Variants in SORBS2 observed in about 807,000 individuals in gnomAD.
The protein encoded by SORBS2 is sorbin and SH3 domain-containing protein 2.
Under a neutral mutation model 97.7 loss-of-function variants are expected in SORBS2, and 46 were observed. The observed-to-expected ratio is 0.47, with a 90% confidence interval of 0.37 to 0.60. The LOEUF (loss-of-function observed/expected upper bound fraction) is 0.60, where lower values mean the gene tolerates loss of function less well. Ranked by LOEUF, SORBS2 falls within the 20% of genes least tolerant of loss-of-function variation. The pLI, the probability that SORBS2 is intolerant of heterozygous loss-of-function variation, is 0.00. For synonymous variants in SORBS2, 476 were observed against 473.4 expected, an observed-to-expected ratio of 1.01 and a Z score of -0.07; for missense variants, 1,316 against 1,282.3, an observed-to-expected ratio of 1.03 and a Z score of -0.40.
intron 12 of SORBS2, among the ~76,000 whole-genome samples, chr4:185,609,167 T>C (rs2153398688): frequency 6.6e-6 from 1 of 152,260 alleles, no homozygotes; most frequent in Admixed American, 6.5e-5. Flanking sequence ...GTCCTGTAGA[T>C]GCTGAGTTTT....
chr4:185,624,104 A>C, exon 7 of SORBS2: 1 of 1,613,996 alleles, frequency 6.2e-7, no homozygotes, highest in Non-Finnish European at 8.5e-7. Flanking sequence ...CCTGTGTCTG[A>C]TCCTTGATCT....
At chr4:185,792,885 G>A (rs1427873250) in intron 1 of SORBS2, among the ~76,000 whole-genome samples, 1 of 152,162 alleles carries the variant, frequency 6.6e-6, no homozygotes, top group Non-Finnish European at 1.5e-5. Flanking sequence ...ACTCAAGCTG[G>A]AATCCCACTT....
intron 1 of SORBS2, among the ~76,000 whole-genome samples, chr4:185,875,895 C>A (rs2099233337): frequency 2.0e-5 from 3 of 152,128 alleles, no homozygotes; most frequent in African/African-American, 4.8e-5. Context: ...TCATTACACT[C>A]AAATATTATT....
intron 1 of SORBS2, among the ~76,000 whole-genome samples, chr4:185,900,475 A>G (rs945415868): frequency 3.3e-5 from 5 of 152,194 alleles, no homozygotes; most frequent in African/African-American, 1.2e-4. Flanking sequence ...CCATGCATAA[A>G]ATAATGAAGA....
At position 185,868,159 on chromosome 4, in the gene SORBS2, C is replaced by CTTTCTTTTTTTTTTT. The variant is rs59057506; in HGVS notation, c.-338+88036_-338+88037insAAAAAAAAAAAGAAA. Among the ~76,000 whole-genome samples the CTTTCTTTTTTTTTTT allele has an allele frequency of 1.1e-3, 112 of 105,200 alleles. 1 individual carries two copies. Among genetic ancestry groups the CTTTCTTTTTTTTTTT allele is most frequent in the African/African-American group, 4.2e-3 (107 of 25,604 alleles). 69.0% of individuals were successfully genotyped at this position (105,200 alleles called of 152,430 possible). A position where few individuals can be genotyped will look rare whatever the true frequency, so the allele number is the denominator to read the frequency against. On this transcript the variant is annotated intron_variant, in intron 1 of 20. Coordinates refer to the SORBS2 transcript ENST00000284776. ...TCTCTTTTCTTTTCTTTTTTTCTTTCTTTTTTTTTTTTTTTGAGGCAGAGT... is the reference window on the plus strand; with the variant it reads ...TCTCTTTTCTTTTCTTTTTTTCTTTCTTTCTTTTTTTTTTTTTTTTTTTTTTTTTTGAGGCAGAGT...
intron 1 of SORBS2, among the ~76,000 whole-genome samples, chr4:185,882,969 A>T (rs1404764775): frequency 6.6e-6 from 1 of 152,164 alleles, no homozygotes; most frequent in Non-Finnish European, 1.5e-5. Context: ...AAAATACAGA[A>T]AAAAATTTCA....
At chr4:185,867,763 C>A (rs1013357080) in intron 1 of SORBS2, among the ~76,000 whole-genome samples, 5 of 152,118 alleles carry the variant, frequency 3.3e-5, no homozygotes, top group African/African-American at 1.2e-4. Context: ...ATTATCGACT[C>A]TCTCTAAATT....
chr4:185,730,224 A>G (rs1333779643), intron 2 of SORBS2, among the ~76,000 whole-genome samples: 1 of 151,856 alleles, frequency 6.6e-6, no homozygotes, highest in African/African-American at 2.4e-5. Flanking sequence ...ATGGAAAAAT[A>G]TTCTCCAAAC....
At chr4:185,644,372 A>G (rs982519191) in intron 4 of SORBS2, among the ~76,000 whole-genome samples, 33 of 152,206 alleles carry the variant, frequency 2.2e-4, no homozygotes, top group African/African-American at 7.7e-4. Flanking sequence ...CTTAGGGCCT[A>G]AGTTTCTGAT....
At chr4:185,725,927 GTTT>G (rs535093857) in intron 2 of SORBS2, among the ~76,000 whole-genome samples, 2 of 151,172 alleles carry the variant, frequency 1.3e-5, no homozygotes, top group Non-Finnish European at 3.0e-5. Context: ...TTCCTTCTCA[GTTT>G]TTTTTTGTTT....
chr4:185,920,308 A>C (rs2099260357), intron 1 of SORBS2, among the ~76,000 whole-genome samples: 1 of 152,164 alleles, frequency 6.6e-6, no homozygotes, highest in Admixed American at 6.5e-5. Context: ...CAGCAGATCA[A>C]TTTACCGTAG....
intron 1 of SORBS2, among the ~76,000 whole-genome samples, chr4:185,779,252 T>C (rs1486573581): frequency 6.6e-6 from 1 of 152,234 alleles, no homozygotes; most frequent in Admixed American, 6.5e-5. Flanking sequence ...TACGCGTGGC[T>C]GTGGCTGTAG....
chr4:185,832,218 C>T (rs183629903), intron 1 of SORBS2, among the ~76,000 whole-genome samples: 14 of 152,282 alleles, frequency 9.2e-5, no homozygotes, highest in Admixed American at 7.8e-4. Context: ...GGAATCTTTT[C>T]TAGGCACTAG....
intron 4 of SORBS2, among the ~76,000 whole-genome samples, chr4:185,672,132 T>C (rs2097722081): frequency 6.6e-6 from 1 of 152,232 alleles, no homozygotes; most frequent in South Asian, 2.1e-4. Flanking sequence ...AAGTGCGTTC[T>C]GCAGTTCTGC....
intron 1 of SORBS2, among the ~76,000 whole-genome samples, chr4:185,792,851 A>C (rs147399615): frequency 6.7e-4 from 102 of 152,344 alleles, no homozygotes; most frequent in African/African-American, 2.2e-3. Context: ...AACTGTTGAC[A>C]GTGCAGGGTT....
chr4:185,600,789 C>T (rs2096243720), intron 12 of SORBS2, among the ~76,000 whole-genome samples: 2 of 151,602 alleles, frequency 1.3e-5, no homozygotes, highest in South Asian at 2.1e-4. Flanking sequence ...CTGTATCAGA[C>T]ATTTGTTGGA....
At chr4:185,783,654 G>A (rs965319875) in intron 1 of SORBS2, among the ~76,000 whole-genome samples, 9 of 152,182 alleles carry the variant, frequency 5.9e-5, no homozygotes, top group Admixed American at 2.0e-4. Flanking sequence ...GACCCTCGGG[G>A]TAAGCAGAAG....
chr4:185,760,508 A>T (rs1266746525), intron 2 of SORBS2, among the ~76,000 whole-genome samples: 1 of 152,234 alleles, frequency 6.6e-6, no homozygotes, highest in Non-Finnish European at 1.5e-5. Context: ...GATTGCAGTG[A>T]GCTGAGATCG....
intron 4 of SORBS2, chr4:185,645,502 T>A (rs1339527101): frequency 6.6e-6 from 1 of 152,158 alleles, no homozygotes; most frequent in Non-Finnish European, 1.5e-5. Flanking sequence ...GTATGAATTA[T>A]CTGATGATAA....
Sources: gnomAD v4.1 joint callset for allele counts (sites outside exome capture counted in the v4.1 genomes callset) on GRCh38, gnomAD v4.1.1 for gene constraint, MANE v1.5 for transcripts, NCBI Gene and HGNC (gene_info 2026-07-23, HGNC 2026-07-21) for gene names.